Variants in FNDC3B observed in about 807,000 individuals in gnomAD.
FNDC3B encodes the protein fibronectin type III domain-containing protein 3B.
A neutral mutation model predicts 151.5 loss-of-function variants in FNDC3B; 12 were observed. That is an observed-to-expected ratio of 0.08 (90% CI 0.05 to 0.13). The LOEUF (loss-of-function observed/expected upper bound fraction) is 0.13, where lower values mean the gene tolerates loss of function less well. Among genes scored for constraint, FNDC3B ranks in the 10% least tolerant of loss-of-function variants. The probability of loss-of-function intolerance (pLI) is 1.00; values close to 1 mark genes in which losing one functional copy is unlikely to be tolerated. For missense variants in FNDC3B, 1,214 were observed against 1,505.3 expected, an observed-to-expected ratio of 0.81 and a Z score of 3.20; for synonymous variants, 528 against 549.0, an observed-to-expected ratio of 0.96 and a Z score of 0.54.
intron 3 of FNDC3B, among the ~76,000 whole-genome samples, chr3:172,152,853 G>T (rs1722300522): frequency 6.6e-6 from 1 of 152,016 alleles, no homozygotes; most frequent in Admixed American, 6.5e-5. Flanking sequence ...GGACTCACTG[G>T]GCCAGCTACG....
At chr3:172,335,958 C>A (rs1337946785) in intron 15 of FNDC3B, 1 of 151,694 alleles carries the variant, frequency 6.6e-6, no homozygotes, top group Non-Finnish European at 1.5e-5. Flanking sequence ...TCTGTTTCCC[C>A]AAGAGATGGA....
intron 1 of FNDC3B, among the ~76,000 whole-genome samples, chr3:172,091,531 T>G (rs1007710618): frequency 6.6e-6 from 1 of 152,202 alleles, no homozygotes; most frequent in African/African-American, 2.4e-5. Context: ...TCAAGCACTT[T>G]GTAGTTTCCT....
At chr3:172,298,653 C>G in intron 8 of FNDC3B, 75 bp from the exon 9 acceptor site, 1 of 922,634 alleles carries the variant, frequency 1.1e-6, no homozygotes, top group South Asian at 1.5e-5. Flanking sequence ...CAGTACATTA[C>G]TGGACACCCA....
At chr3:172,234,106 CTT>C (rs1343424064) in intron 4 of FNDC3B, among the ~76,000 whole-genome samples, 13 of 152,260 alleles carry the variant, frequency 8.5e-5, no homozygotes, top group African/African-American at 3.1e-4. Flanking sequence ...TGCATTTTCT[CTT>C]TGATTTCTTT....
chr3:172,151,533 C>T (rs1350271850), intron 3 of FNDC3B, among the ~76,000 whole-genome samples: 1 of 152,132 alleles, frequency 6.6e-6, no homozygotes. Context: ...CCATCTACCT[C>T]TAGATACTTC....
chr3:172,362,838 A>T lies in FNDC3B; in HGVS notation c.3001A>T (p.Asn1001Tyr), dbSNP rs1322637205. The change falls in exon 23 of 26, where the codon AAC becomes TAC. Residue 1001 changes from asparagine to tyrosine, a missense_variant. Coordinates refer to ENST00000415807, the MANE Select transcript of FNDC3B (RefSeq NM_022763.4). ...GTACACACTACAGCTGGAGGACAGA[A>T]ACAAGAGGTGAGGTGGGGGTGAGGA... ...IVYTLQLEDR[N>Y]KRFISIYRGP... The T allele has an allele frequency of 3.0e-5, 49 of 1,612,726 alleles. No individual in the cohort carries two copies. Among genetic ancestry groups the T allele is most frequent in the Non-Finnish European group, 4.1e-5 (48 of 1,179,268 alleles).
In FNDC3B at chr3:172,277,860, T is replaced by A. The variant is rs139844095; in HGVS notation, c.791-8066T>A. On this transcript the variant is annotated intron_variant, in intron 6 of 25. Transcript: ENST00000415807. ...TACCCACTTTCTTTACTCATTGATATTACCTGCCTAGTGGCTATAGGCATT... is the reference window on the plus strand; with the variant it reads ...TACCCACTTTCTTTACTCATTGATAATACCTGCCTAGTGGCTATAGGCATT... 3.3e-3 allele frequency among the ~76,000 whole-genome samples: 508 copies of A among 152,320 alleles called. 4 individuals carry two copies. The highest frequency in any genetic ancestry group is 0.012 in the African/African-American group (480 of 41,562).
intron 6 of FNDC3B, among the ~76,000 whole-genome samples, chr3:172,267,153 C>T (rs1459625902): frequency 1.3e-5 from 2 of 151,782 alleles, no homozygotes; most frequent in African/African-American, 4.9e-5. Flanking sequence ...GAAATCTACA[C>T]ACACACTTTT....
intron 23 of FNDC3B, among the ~76,000 whole-genome samples, chr3:172,369,535 T>G (rs2108353870): frequency 6.6e-6 from 1 of 152,306 alleles, no homozygotes; most frequent in Non-Finnish European, 1.5e-5. Flanking sequence ...ATAGTGAAAT[T>G]TTATCTCTTA....
intron 3 of FNDC3B, 132 bp from the exon 4 acceptor site, chr3:172,226,739 A>C: frequency 5.1e-6 from 3 of 592,062 alleles, no homozygotes; most frequent in Non-Finnish European, 9.3e-6. Context: ...TTAAGGCAAT[A>C]TATACCAACT....
chr3:172,189,125 C>T (rs771005830), intron 3 of FNDC3B, among the ~76,000 whole-genome samples: 19 of 152,064 alleles, frequency 1.2e-4, no homozygotes, highest in Non-Finnish European at 2.5e-4. Flanking sequence ...CTTACCTAAA[C>T]TTAGTAAATT....
intron 1 of FNDC3B, among the ~76,000 whole-genome samples, chr3:172,079,817 GAAAATCCGTTTCTTCAAA>G (rs997676075): frequency 2.3e-4 from 35 of 152,262 alleles, no homozygotes; most frequent in African/African-American, 8.2e-4. Flanking sequence ...CATGGAGGCA[GAAAATCCGTTTCTTCAAA>G]AACAGATAGT....
intron 3 of FNDC3B, among the ~76,000 whole-genome samples, chr3:172,196,799 C>A (rs1305790170): frequency 6.6e-6 from 1 of 152,160 alleles, no homozygotes; most frequent in African/African-American, 2.4e-5. Context: ...AAGAAGACAG[C>A]CGGAGCTCTC....
chr3:172,389,464 T>C (rs2108387644), intron 25 of FNDC3B, among the ~76,000 whole-genome samples: 1 of 152,358 alleles, frequency 6.6e-6, no homozygotes, highest in African/African-American at 2.4e-5. Flanking sequence ...TTTATACAAC[T>C]AGAAGAGTAT....
chr3:172,183,683 A>G (rs1302487655), intron 3 of FNDC3B, among the ~76,000 whole-genome samples: 1 of 152,208 alleles, frequency 6.6e-6, no homozygotes, highest in Non-Finnish European at 1.5e-5. Flanking sequence ...CTTAACTAAG[A>G]TAACCTGTTG....
At chr3:172,264,410 T>A (rs1172557803) in intron 6 of FNDC3B, among the ~76,000 whole-genome samples, 1 of 152,198 alleles carries the variant, frequency 6.6e-6, no homozygotes, top group Admixed American at 6.5e-5. Context: ...TAGTTAAGAT[T>A]TCAGAACTTG....
At chr3:172,276,176 T>A (rs1268086761) in intron 6 of FNDC3B, among the ~76,000 whole-genome samples, 1 of 152,224 alleles carries the variant, frequency 6.6e-6, no homozygotes, top group Non-Finnish European at 1.5e-5. Context: ...TTCTACTTTA[T>A]GCCACTGAAA....
intron 24 of FNDC3B, among the ~76,000 whole-genome samples, chr3:172,380,560 G>T (rs187889603): frequency 6.6e-6 from 1 of 151,796 alleles, no homozygotes; most frequent in Admixed American, 6.6e-5. Flanking sequence ...TTTTGTATGC[G>T]TCTCATACCT....
Position 172,256,992 on chromosome 3 carries a change from G to A in FNDC3B, c.790+5451G>A, listed in dbSNP as rs747760341. ...GTCGCCCAGGCTGGAGTGCGGTGGC[G>A]CAATTTCGGCTCACTGAGACCTCCA... is the stretch of plus-strand genomic sequence containing the variant. On this transcript the variant is annotated intron_variant, in intron 6 of 25. Coordinates refer to ENST00000415807, the MANE Select transcript of FNDC3B (RefSeq NM_022763.4). Among the ~76,000 whole-genome samples, 6 of 151,616 alleles carry A rather than the reference G, an allele frequency of 4.0e-5. No individual in the cohort carries two copies. The East Asian group carries it at 5.8e-4, about 15-fold the overall frequency.
Sources: gnomAD v4.1 joint callset for allele counts (sites outside exome capture counted in the v4.1 genomes callset) on GRCh38, gnomAD v4.1.1 for gene constraint, MANE v1.5 for transcripts, NCBI Gene and HGNC (gene_info 2026-07-23, HGNC 2026-07-21) for gene names.